Variants in SSX2IP observed in about 807,000 individuals in gnomAD.
SSX2IP encodes afadin- and alpha-actinin-binding protein.
SSX2IP carries 55 observed loss-of-function variants against 84.9 expected under a neutral mutation model. That is an observed-to-expected ratio of 0.65 (90% CI 0.52 to 0.81). The LOEUF (loss-of-function observed/expected upper bound fraction) is 0.81. SSX2IP is among the 30% of genes least tolerant of loss of function. The probability of loss-of-function intolerance (pLI) is 0.00; values close to 1 mark genes in which losing one functional copy is unlikely to be tolerated. For synonymous variants in SSX2IP, 239 were observed against 234.7 expected (o/e 1.02, Z -0.17); for missense variants, 664 against 705.2 (o/e 0.94, Z 0.66).
At chr1:84,679,370 T>C (rs545048600) in intron 1 of SSX2IP, among the ~76,000 whole-genome samples, 13 of 152,332 alleles carry the variant, frequency 8.5e-5, no homozygotes, top group African/African-American at 3.1e-4. Flanking sequence ...ATTTAAAATC[T>C]AAATTATTTC....
At chr1:84,675,997 C>A (rs908674841) in intron 1 of SSX2IP, among the ~76,000 whole-genome samples, 5 of 152,190 alleles carry the variant, frequency 3.3e-5, no homozygotes, top group Non-Finnish European at 7.3e-5. Flanking sequence ...TGTGCCCCAA[C>A]CACCTTGGAC....
intron 4 of SSX2IP, among the ~76,000 whole-genome samples, chr1:84,669,165 T>C (rs1356827333): frequency 2.4e-5 from 1 of 42,306 alleles, no homozygotes; most frequent in African/African-American, 5.9e-5. Context: ...CTGTGAAAAA[T>C]ACTTCCTTTT....
chr1:84,682,548 G>T (rs1354302767), intron 1 of SSX2IP, among the ~76,000 whole-genome samples: 1 of 150,800 alleles, frequency 6.6e-6, no homozygotes, highest in African/African-American at 2.4e-5. Flanking sequence ...TGTTGCCCAG[G>T]CTGGAGTGCA....
intron 13 of SSX2IP, among the ~76,000 whole-genome samples, chr1:84,648,191 C>T (rs1041261604): frequency 6.6e-6 from 1 of 152,090 alleles, no homozygotes; most frequent in Admixed American, 6.5e-5. Flanking sequence ...ATCCAAAATG[C>T]TTCAGGAGCA....
At chr1:84,663,176 C>T (rs1346081767) in intron 6 of SSX2IP, among the ~76,000 whole-genome samples, 1 of 152,098 alleles carries the variant, frequency 6.6e-6, no homozygotes, top group Non-Finnish European at 1.5e-5. Context: ...TCTTCTGCTG[C>T]AGGTGGACAT....
intron 13 of SSX2IP, among the ~76,000 whole-genome samples, chr1:84,649,442 T>C (rs1197023315): frequency 6.6e-6 from 1 of 152,244 alleles, no homozygotes; most frequent in East Asian, 1.9e-4. Context: ...AAAAGTCAAC[T>C]ACAACTTATA....
chr1:84,686,617 A>G (rs1165076877), intron 1 of SSX2IP, among the ~76,000 whole-genome samples: 1 of 152,204 alleles, frequency 6.6e-6, no homozygotes, highest in East Asian at 1.9e-4. Context: ...CATAAAGAAA[A>G]AAGGGGCAGG....
chr1:84,658,346 T>C lies in SSX2IP; in HGVS notation c.1050A>G (p.Lys350=). 1 of 1,614,142 alleles carries C rather than the reference T, an allele frequency of 6.2e-7. No homozygotes were observed. Among genetic ancestry groups the C allele is most frequent in the South Asian group, 1.1e-5 (1 of 91,066 alleles). Residue 350 remains lysine (K), a synonymous_variant, in exon 9 of 14, where the codon AAA becomes AAG. Coordinates refer to ENST00000342203, the MANE Select transcript of SSX2IP (RefSeq NM_001166293.2). ...GGTTATCAAGCTTTTCTACATGACT[T>C]TTCAAAATTCTCCACTGTTTTCTGA... ...NSIRKQWRIL[K]SHVEKLDNQV...
At chr1:84,656,831 T>G (rs1557478511) in intron 9 of SSX2IP, among the ~76,000 whole-genome samples, 1 of 152,114 alleles carries the variant, frequency 6.6e-6, no homozygotes, top group Non-Finnish European at 1.5e-5. Flanking sequence ...ATGTCCTAAT[T>G]AAAAACAGAC....
chr1:84,662,765 T>C lies in SSX2IP; in HGVS notation c.674-235A>G. ...TTGGACACTGGGAATAACAAAAGTA[T>C]CTACCAAAGAGTTGTTGAGAAGACA... On this transcript the variant is annotated intron_variant, in intron 6 of 13. Transcript: ENST00000342203. 1.3e-5 allele frequency among the ~76,000 whole-genome samples: 2 copies of C among 152,128 alleles called. 1 individual carries two copies. Among genetic ancestry groups the C allele is most frequent in the Non-Finnish European group, 2.9e-5 (2 of 68,024 alleles).
At chr1:84,682,716 C>A (rs1470065841) in intron 1 of SSX2IP, among the ~76,000 whole-genome samples, 1 of 152,072 alleles carries the variant, frequency 6.6e-6, no homozygotes, top group East Asian at 1.9e-4. Context: ...GTTGGCCAGA[C>A]TGGTCTCGAA....
chr1:84,677,786 T>C (rs1654577352), intron 1 of SSX2IP, among the ~76,000 whole-genome samples: 1 of 152,134 alleles, frequency 6.6e-6, no homozygotes, highest in African/African-American at 2.4e-5. Context: ...ATCTGAGGCC[T>C]GCCAAAAGCC....
At chr1:84,680,514 C>A (rs1004930969) in intron 1 of SSX2IP, 1 of 152,020 alleles carries the variant, frequency 6.6e-6, no homozygotes, top group Admixed American at 6.5e-5. Flanking sequence ...AAAAAAAGGT[C>A]ATGGGTACAT....
intron 1 of SSX2IP, among the ~76,000 whole-genome samples, chr1:84,679,852 A>T (rs967217868): frequency 6.6e-6 from 1 of 152,190 alleles, no homozygotes; most frequent in African/African-American, 2.4e-5. Context: ...AAATTGAGGC[A>T]GAGAGGTTAG....
In SSX2IP at chr1:84,645,030, T is replaced by C. The variant is rs572552045; in HGVS notation, c.*2403A>G. The C allele has an allele frequency of 6.6e-6, 1 of 152,284 alleles. No homozygotes were observed. Among genetic ancestry groups the C allele is most frequent in the South Asian group, 2.1e-4 (1 of 4,832 alleles). The allele number at this position is 152,284 out of a possible 1,614,324, so 9.4% of individuals were successfully genotyped here. ...CTTTGACATTTTTATGCTTTGAAAATTCAGAATGGATAAAAACAAATGAAG... is the reference window on the plus strand; with the variant it reads ...CTTTGACATTTTTATGCTTTGAAAACTCAGAATGGATAAAAACAAATGAAG... On this transcript the variant is annotated 3_prime_UTR_variant, in exon 14 of 14. Coordinates refer to ENST00000342203, the MANE Select transcript of SSX2IP (RefSeq NM_001166293.2).
intron 1 of SSX2IP, among the ~76,000 whole-genome samples, chr1:84,678,358 TTCC>T: frequency 6.6e-6 from 1 of 152,270 alleles, no homozygotes; most frequent in East Asian, 1.9e-4. Flanking sequence ...CCACCTGTGC[TTCC>T]TTCTTGCACG....
intron 1 of SSX2IP, among the ~76,000 whole-genome samples, chr1:84,676,188 T>G (rs957270806): frequency 1.3e-5 from 2 of 152,244 alleles, no homozygotes; most frequent in East Asian, 3.8e-4. Context: ...GGCATTTCAT[T>G]CATTTAAGAT....
chr1:84,664,194 T>A (rs1054551921), intron 6 of SSX2IP, among the ~76,000 whole-genome samples: 2 of 152,276 alleles, frequency 1.3e-5, no homozygotes, highest in Non-Finnish European at 2.9e-5. Context: ...TCTACACTGG[T>A]CATGTTAAAA....
rs753234152 is a variant in SSX2IP at position 84,656,448 on chromosome 1, T to C, written c.1115A>G (p.Asp372Gly). ...KVHLEGFNDEDVISRQDHEQE... is the reference protein window; with the variant it reads ...KVHLEGFNDEGVISRQDHEQE... ...TTCATGGTCTTGTCGTGAGATTACA[T>C]CTTCATCATTAAAACCTTCCAGGTG... Residue 372 changes from aspartate to glycine, a missense_variant, in exon 10 of 14, where the codon GAT (aspartate) becomes GGT (glycine). Transcript: ENST00000342203. 6.2e-7 allele frequency: 1 copy of C among 1,613,404 alleles called. No individual in the cohort carries two copies. Among genetic ancestry groups the C allele is most frequent in the Admixed American group, 1.7e-5 (1 of 59,990 alleles).
Sources: gnomAD v4.1 joint callset for allele counts (sites outside exome capture counted in the v4.1 genomes callset) on GRCh38, gnomAD v4.1.1 for gene constraint, MANE v1.5 for transcripts, NCBI Gene and HGNC (gene_info 2026-07-23, HGNC 2026-07-21) for gene names.